Variants in KDM1A observed in about 807,000 individuals in gnomAD.
The protein encoded by KDM1A is lysine demethylase 1A, also known as lysine-specific histone demethylase 1A.
A neutral mutation model predicts 109.4 loss-of-function variants in KDM1A; 49 were observed. The observed-to-expected ratio is 0.45, with a 90% CI of 0.36 to 0.57. The LOEUF is 0.57. Among genes scored for constraint, KDM1A ranks in the 20% least tolerant of loss-of-function variants. KDM1A has a pLI of 0.00. For synonymous variants in KDM1A, 380 were observed against 415.4 expected (o/e 0.91, Z 1.04); for missense variants, 668 against 1,116.6 (o/e 0.60, Z 5.73).
Position 23,082,746 on chromosome 1 carries a change from A to G in KDM1A, c.2445+380A>G, listed in dbSNP as rs533617030. On this transcript the variant is annotated intron_variant, in intron 20 of 20. Transcript: ENST00000400181. ...GAGAAATAACCCTGGGTCCTTGTCT[A>G]GACCCTTATGCCAGACCCCACTCCA... is the stretch of plus-strand genomic sequence containing the variant. 7 of 202,466 alleles carry G rather than the reference A, an allele frequency of 3.5e-5. No individual in the cohort carries two copies. In the South Asian group the frequency reaches 8.5e-4, roughly 25 times the overall value. The allele number at this position is 202,466 out of a possible 1,614,324, so 12.5% of individuals were successfully genotyped here.
At chr1:23,056,921 G>A (rs768341034) in intron 7 of KDM1A, among the ~76,000 whole-genome samples, 2 of 151,796 alleles carry the variant, frequency 1.3e-5, no homozygotes, top group Non-Finnish European at 2.9e-5. Context: ...ATAAACCTGG[G>A]CCTATTTAGG....
intron 9 of KDM1A, among the ~76,000 whole-genome samples, chr1:23,063,202 G>GGT (rs1235761959): frequency 1.2e-5 from 1 of 85,526 alleles, no homozygotes; most frequent in Non-Finnish European, 2.5e-5. Flanking sequence ...GCATTGGGGG[G>GGT]GGGGTGTGGT....
Position 23,019,512 on chromosome 1 carries a change from G to C in KDM1A, c.-85G>C, listed in dbSNP as rs887642688. 15 of 1,310,102 alleles carry C rather than the reference G, an allele frequency of 1.1e-5. No homozygotes were observed. The highest frequency in any genetic ancestry group is 1.5e-5 in the Non-Finnish European group (15 of 1,030,118). 81.2% of individuals were successfully genotyped at this position (1,310,102 alleles called of 1,614,324 possible). A position where few individuals can be genotyped will look rare whatever the true frequency, so the allele number is the denominator to read the frequency against. The stretch of plus-strand genomic sequence containing the variant: ...GCGGTTGGCGGCGCGCGGGCAGCGT[G>C]AAGCGAGGCGAGGCAAGGCTTTTCG... On this transcript the variant is annotated 5_prime_UTR_variant, in exon 1 of 21. Transcript: ENST00000400181.
At chr1:23,048,737 CTAAGTTAACA>C (rs1216948831) in intron 3 of KDM1A, among the ~76,000 whole-genome samples, 2 of 152,122 alleles carry the variant, frequency 1.3e-5, no homozygotes, top group Non-Finnish European at 2.9e-5. Context: ...CTATAATTTT[CTAAGTTAACA>C]TCTTTACCTG....
Position 23,019,627 on chromosome 1 carries a change from G to A in KDM1A, c.31G>A (p.Ala11Thr), listed in dbSNP as rs752226596. 8.5e-6 allele frequency: 12 copies of A among 1,416,924 alleles called. No homozygotes were observed. The East Asian group carries it at 1.2e-4, about 14-fold the overall frequency. 87.8% of individuals were successfully genotyped at this position (1,416,924 alleles called of 1,614,324 possible). The change falls in exon 1 of 21, where the codon GCG (alanine) becomes ACG (threonine). Residue 11 changes from alanine to threonine, a missense_variant. By Grantham distance (58) the Ala-to-Thr change is moderately conservative (BLOSUM62 0). This residue lies in a region of KDM1A where 156 missense variants were observed against 163.4 expected (regional missense o/e 0.95). Coordinates refer to ENST00000400181, the MANE Select transcript of KDM1A (RefSeq NM_001009999.3). ...ATCTGGGAAGAAGGCGGCAGCCGCG[G>A]CGGCGGCGGCTGCAGCGGCAGCAAC... Reference protein sequence around the residue: MLSGKKAAAAAAAAAAAATGT... With the variant: MLSGKKAAAATAAAAAAATGT...
intron 1 of KDM1A, among the ~76,000 whole-genome samples, chr1:23,030,038 T>G (rs1386278417): frequency 1.3e-5 from 2 of 152,240 alleles, no homozygotes; most frequent in Non-Finnish European, 2.9e-5. Flanking sequence ...TTTTGGAATT[T>G]TTTTGCTATT....
intron 2 of KDM1A, among the ~76,000 whole-genome samples, chr1:23,035,301 C>A (rs1642110595): frequency 6.6e-6 from 1 of 152,174 alleles, no homozygotes; most frequent in Non-Finnish European, 1.5e-5. Context: ...CTCCCGGGTT[C>A]AAGCAATTCT....
chr1:23,035,356 C>T (rs1163978991), intron 2 of KDM1A, among the ~76,000 whole-genome samples: 1 of 152,172 alleles, frequency 6.6e-6, no homozygotes, highest in Non-Finnish European at 1.5e-5. Flanking sequence ...GCATGCGCCA[C>T]TACTCCTAGC....
At chr1:23,075,223 T>C (rs1335705182) in intron 15 of KDM1A, among the ~76,000 whole-genome samples, 1 of 152,262 alleles carries the variant, frequency 6.6e-6, no homozygotes, top group Admixed American at 6.5e-5. Context: ...CAGTGTGATT[T>C]ACTCTTCAAG....
intron 6 of KDM1A, 93 bp from the exon 7 acceptor site, chr1:23,055,839 A>G: frequency 1.6e-6 from 1 of 626,744 alleles, no homozygotes; most frequent in Non-Finnish European, 2.7e-6. Context: ...GTAAGCTATT[A>G]TGTTAAGAAC....
At chr1:23,081,990 A>G (rs1643632260) in intron 19 of KDM1A, 2 of 515,618 alleles carry the variant, frequency 3.9e-6, no homozygotes, top group Admixed American at 3.2e-5. Context: ...CCCTGTGTAG[A>G]TCTCTGGATT....
chr1:23,078,428 C>T (rs1034322819), intron 16 of KDM1A, among the ~76,000 whole-genome samples: 14 of 152,004 alleles, frequency 9.2e-5, no homozygotes, highest in Non-Finnish European at 1.5e-4. Context: ...ACGAGGAAAA[C>T]GATGTTAACA....
At chr1:23,080,204 CTCCCCA>C (rs931061881) in intron 18 of KDM1A, among the ~76,000 whole-genome samples, 8 of 152,170 alleles carry the variant, frequency 5.3e-5, no homozygotes, top group African/African-American at 1.9e-4. Context: ...CGTTGGCTTG[CTCCCCA>C]TCCCCAGTTC....
At chr1:23,040,682 G>A (rs1642288114) in intron 2 of KDM1A, among the ~76,000 whole-genome samples, 1 of 152,076 alleles carries the variant, frequency 6.6e-6, no homozygotes, top group Non-Finnish European at 1.5e-5. Context: ...TAGCTACTCA[G>A]GAGGCTGAGG....
chr1:23,080,588 C>A (rs12751560), intron 18 of KDM1A, among the ~76,000 whole-genome samples: 56,062 of 152,000 alleles, frequency 0.37, 12,699 homozygotes, highest in East Asian at 0.54. Flanking sequence ...ATCTCTACTT[C>A]CTTGTCCATC....
At chr1:23,080,586 T>C (rs1021752483) in intron 18 of KDM1A, among the ~76,000 whole-genome samples, 1 of 152,134 alleles carries the variant, frequency 6.6e-6, no homozygotes, top group African/African-American at 2.4e-5. Flanking sequence ...TCATCTCTAC[T>C]TCCTTGTCCA....
intron 9 of KDM1A, among the ~76,000 whole-genome samples, chr1:23,060,467 T>TATAAATATAGTA (rs1642967611): frequency 2.0e-5 from 3 of 152,132 alleles, no homozygotes; most frequent in African/African-American, 7.2e-5. Flanking sequence ...AATATATTAA[T>TATAAATATAGTA]ACCAGTAACA....
chr1:23,060,826 G>A (rs944607863), intron 9 of KDM1A, among the ~76,000 whole-genome samples: 1 of 152,090 alleles, frequency 6.6e-6, no homozygotes, highest in Non-Finnish European at 1.5e-5. Context: ...GAAATGACAC[G>A]ATTAAGTCAG....
rs375718140 is a variant in KDM1A at position 23,081,513 on chromosome 1, G to A, written c.2238G>A (p.Val746=). 1.3e-5 allele frequency: 21 copies of A among 1,614,086 alleles called. No homozygotes were observed. The highest frequency in any genetic ancestry group is 1.8e-5 in the Non-Finnish European group (21 of 1,180,030). Residue 746 remains valine, a synonymous_variant, in exon 19 of 21, where the codon GTG becomes GTA. Coordinates refer to ENST00000400181, the MANE Select transcript of KDM1A (RefSeq NM_001009999.3). ...AGIMENISDD[V]IVGRCLAILK... is the part of the protein sequence containing the mutation. ...TCATGGAAAACATAAGTGACGATGT[G>A]ATTGTTGGCCGATGCCTGGCCATTC...
Sources: gnomAD v4.1 joint callset for allele counts (sites outside exome capture counted in the v4.1 genomes callset) on GRCh38, gnomAD v4.1.1 for gene constraint, gnomAD v4.1.1 regional missense constraint, MANE v1.5 for transcripts, NCBI Gene and HGNC (gene_info 2026-07-23, HGNC 2026-07-21) for gene names.